The following CEP63 variants were observed in gnomAD, a reference collection of about 807,000 sequenced individuals.
The protein encoded by CEP63 is centrosomal protein 63.
Under a neutral mutation model 89.1 loss-of-function variants are expected in CEP63, and 84 were observed. The observed-to-expected ratio is 0.94, with a 90% CI of 0.79 to 1.13. The LOEUF (loss-of-function observed/expected upper bound fraction) is 1.13, where lower values mean the gene tolerates loss of function less well. CEP63 is among the 50% of genes most tolerant of loss of function. CEP63 has a pLI of 0.00. For missense variants in CEP63, 838 were observed against 813.3 expected (o/e 1.03, Z -0.37); for synonymous variants, 267 against 272.5 (o/e 0.98, Z 0.20).
At chr3:134,638,431 A>G in the CEP63 span, among the ~76,000 whole-genome samples, 1 of 152,292 alleles carries the variant, frequency 6.6e-6, no homozygotes, top group African/African-American at 2.4e-5. Flanking sequence ...ATTAACCACC[A>G]CAACCAAACC....
the CEP63 span, among the ~76,000 whole-genome samples, chr3:134,682,224 T>C: frequency 2.0e-5 from 3 of 152,196 alleles, no homozygotes; most frequent in Non-Finnish European, 4.4e-5. Context: ...GAGAATTAGT[T>C]CCTAAAGCCT....
At chr3:134,521,566 A>AT (rs1258173848) in intron 3 of CEP63, among the ~76,000 whole-genome samples, 1 of 151,984 alleles carries the variant, frequency 6.6e-6, no homozygotes, top group East Asian at 1.9e-4. Context: ...GTACATTTGT[A>AT]TTTTTCTCCT....
At chr3:134,488,081 A>G (rs543197398) in intron 1 of CEP63, 4 of 152,392 alleles carry the variant, frequency 2.6e-5, no homozygotes, top group Non-Finnish European at 5.9e-5. Flanking sequence ...ACCAGGCTAC[A>G]GAGCAGGAGG....
At chr3:134,780,436 A>G in the CEP63 span, 1 of 152,162 alleles carries the variant, frequency 6.6e-6, no homozygotes, top group Non-Finnish European at 1.5e-5. Flanking sequence ...CCTGGTAACC[A>G]CTAATCTATT....
Position 134,533,119 on chromosome 3 carries a change from G to GTACC in CEP63, c.441+220_441+223dup, listed in dbSNP as rs540455068. Among the ~76,000 whole-genome samples, 932 of 152,264 alleles carry GTACC rather than the reference G, an allele frequency of 6.1e-3. 11 individuals carry two copies. The highest frequency in any genetic ancestry group is 0.041 in the Middle Eastern group (12 of 294). On this transcript the variant is annotated intron_variant, in intron 5 of 14. Transcript: ENST00000675561. ...GCCATCAGTAATTCTCAACAGGGCA[G>GTACC]TACCACCCTTAGGGAGCATTTGCAA...
the CEP63 span, among the ~76,000 whole-genome samples, chr3:134,704,613 C>A: frequency 6.6e-6 from 1 of 152,244 alleles, no homozygotes; most frequent in African/African-American, 2.4e-5. Flanking sequence ...GGAGACATTT[C>A]CAGCAGTCTT....
At chr3:134,620,947 T>G in the CEP63 span, 1 of 770,940 alleles carries the variant, frequency 1.3e-6, no homozygotes, top group Non-Finnish European at 2.2e-6. Context: ...GTGCTGCTCT[T>G]CCTCCAGGCA....
intron 3 of CEP63, among the ~76,000 whole-genome samples, chr3:134,525,135 T>A (rs1948362635): frequency 1.3e-5 from 2 of 152,188 alleles, no homozygotes; most frequent in Non-Finnish European, 2.9e-5. Context: ...CACGAATTTA[T>A]CCATTTCTTC....
At chr3:134,593,123 G>A in the CEP63 span, among the ~76,000 whole-genome samples, 4 of 152,128 alleles carry the variant, frequency 2.6e-5, no homozygotes, top group Admixed American at 2.0e-4. Flanking sequence ...GTCCCTGGAA[G>A]GATTCTAGGA....
At chr3:134,498,450 T>G (rs942996141) in intron 2 of CEP63, among the ~76,000 whole-genome samples, 1 of 152,212 alleles carries the variant, frequency 6.6e-6, no homozygotes, top group African/African-American at 2.4e-5. Flanking sequence ...TTCTAAGACT[T>G]TTTTGGTGGA....
At chr3:134,674,955 A>G in the CEP63 span, among the ~76,000 whole-genome samples, 3 of 152,230 alleles carry the variant, frequency 2.0e-5, no homozygotes, top group African/African-American at 7.2e-5. Context: ...GAAAGATTTC[A>G]TATTAAGATC....
Position 134,531,899 on chromosome 3 carries a change from A to G in CEP63, c.277A>G (p.Thr93Ala). The G allele has an allele frequency of 1.9e-6, 3 of 1,613,612 alleles. No individual in the cohort carries two copies. Among genetic ancestry groups the G allele is most frequent in the Non-Finnish European group, 2.5e-6 (3 of 1,179,670 alleles). ...EEHEKIKQEM[T>A]MEYKQELKKL... The stretch of plus-strand genomic sequence containing the variant: ...ACATGAAAAAATCAAGCAAGAGATG[A>G]CCATGGAATATAAGCAGGAGTTGAA... Residue 93 changes from threonine (T) to alanine (A), a missense_variant, in exon 4 of 15, where the codon ACC becomes GCC. By Grantham distance (58) the Thr-to-Ala change is moderately conservative. Transcript: ENST00000675561.
At chr3:134,622,759 G>A in the CEP63 span, among the ~76,000 whole-genome samples, 1 of 152,190 alleles carries the variant, frequency 6.6e-6, no homozygotes, top group Non-Finnish European at 1.5e-5. Context: ...GAGGTTGCTG[G>A]AAAGATGGCT....
At chr3:134,709,570 C>T in the CEP63 span, among the ~76,000 whole-genome samples, 2 of 152,170 alleles carry the variant, frequency 1.3e-5, no homozygotes, top group African/African-American at 4.8e-5. Flanking sequence ...CCACACTGGA[C>T]TTGCCCTCTT....
intron 12 of CEP63, among the ~76,000 whole-genome samples, chr3:134,555,253 C>G (rs1045504503): frequency 1.2e-4 from 19 of 152,206 alleles, no homozygotes; most frequent in Middle Eastern, 3.4e-3. Flanking sequence ...ATTCAACATA[C>G]TGTTGGAAGT....
chr3:134,719,654 A>G, the CEP63 span, among the ~76,000 whole-genome samples: 1 of 152,278 alleles, frequency 6.6e-6, no homozygotes, highest in East Asian at 1.9e-4. Flanking sequence ...TCCCAGCCTT[A>G]AACAATCATT....
chr3:134,602,911 G>C, the CEP63 span, among the ~76,000 whole-genome samples: 1 of 152,218 alleles, frequency 6.6e-6, no homozygotes, highest in African/African-American at 2.4e-5. Flanking sequence ...TCACATTCCT[G>C]ACTATACTTA....
At chr3:134,566,267 G>A (rs1245907147), downstream of CEP63, among the ~76,000 whole-genome samples, 1 of 152,084 alleles carries the variant, frequency 6.6e-6, no homozygotes. Context: ...TAAGGCAGTA[G>A]TTGATAGGGG....
chr3:134,537,362 T>C, intron 6 of CEP63, 94 bp downstream of exon 6: 1 of 806,434 alleles, frequency 1.2e-6, no homozygotes, highest in Non-Finnish European at 2.2e-6. Context: ...ATTTAGCCTC[T>C]TTCAGCTTCT....
Sources: gnomAD v4.1 joint callset for allele counts (sites outside exome capture counted in the v4.1 genomes callset) on GRCh38, gnomAD v4.1.1 for gene constraint, MANE v1.5 for transcripts, NCBI Gene and HGNC (gene_info 2026-07-23, HGNC 2026-07-21) for gene names.